POC1A: variants seen among roughly 807,000 people sequenced by gnomAD.
The protein encoded by POC1A is POC1 centriolar protein homolog A.
In POC1A, 34 loss-of-function variants were observed where a neutral mutation model predicts 47.8. The observed-to-expected ratio is 0.71, with a 90% CI of 0.54 to 0.95. The LOEUF is 0.95. Among genes scored for constraint, POC1A ranks in the 40% least tolerant of loss-of-function variants. The pLI, the probability that POC1A is intolerant of heterozygous loss-of-function variation, is 0.00. For missense variants in POC1A, 466 were observed against 528.3 expected (o/e 0.88, Z 1.16); for synonymous variants, 177 against 207.6 (o/e 0.85, Z 1.27).
At chr3:52,145,983 T>G in intron 5 of POC1A, 22 bp from the exon 6 acceptor site, 2 of 1,445,812 alleles carry the variant, frequency 1.4e-6, no homozygotes, top group Non-Finnish European at 9.7e-7. Context: ...GGGGCCACTA[T>G]GCACTATAGG....
chr3:52,077,396 C>T (rs1178581995), intron 10 of POC1A, among the ~76,000 whole-genome samples: 2 of 152,236 alleles, frequency 1.3e-5, no homozygotes, highest in African/African-American at 4.8e-5. Flanking sequence ...ATTCTTGCAG[C>T]GTCCGGCACA....
At chr3:52,113,935 T>C (rs1440943886) in intron 9 of POC1A, among the ~76,000 whole-genome samples, 1 of 152,210 alleles carries the variant, frequency 6.6e-6, no homozygotes, top group Non-Finnish European at 1.5e-5. Flanking sequence ...CTGTGGCCTC[T>C]CTTCTGCAGG....
At chr3:52,152,184 A>G (rs1270384950) in intron 1 of POC1A, among the ~76,000 whole-genome samples, 1 of 152,174 alleles carries the variant, frequency 6.6e-6, no homozygotes, top group Non-Finnish European at 1.5e-5. Context: ...GTGAGGTGGG[A>G]GGACTGCTTG....
chr3:52,131,760 A>T (rs890442209), intron 7 of POC1A, among the ~76,000 whole-genome samples: 3 of 152,210 alleles, frequency 2.0e-5, no homozygotes, highest in African/African-American at 7.2e-5. Flanking sequence ...AGAGAAGCCA[A>T]AGCAAAATGT....
intron 7 of POC1A, among the ~76,000 whole-genome samples, chr3:52,130,509 A>G (rs935692214): frequency 6.6e-6 from 1 of 152,208 alleles, no homozygotes; most frequent in Non-Finnish European, 1.5e-5. Context: ...ACCTGCTCCC[A>G]GCCCTCAACT....
intron 7 of POC1A, among the ~76,000 whole-genome samples, chr3:52,125,740 G>A (rs571781577): frequency 3.3e-5 from 5 of 152,296 alleles, no homozygotes; most frequent in African/African-American, 1.2e-4. Context: ...GCAGAGCAAT[G>A]TGACACGTCT....
chr3:52,110,257 G>A (rs965877724), intron 9 of POC1A, among the ~76,000 whole-genome samples: 3 of 152,196 alleles, frequency 2.0e-5, no homozygotes, highest in Admixed American at 6.5e-5. Context: ...ACAGGAGAGC[G>A]GGGCTGCTCC....
chr3:52,117,743 C>A (rs934693692), intron 9 of POC1A, among the ~76,000 whole-genome samples: 3 of 152,132 alleles, frequency 2.0e-5, no homozygotes, highest in Admixed American at 6.5e-5. Flanking sequence ...CTGTGTTCTC[C>A]TCCCACCCCA....
intron 10 of POC1A, among the ~76,000 whole-genome samples, chr3:52,089,774 T>G (rs186384192): frequency 6.6e-6 from 1 of 152,164 alleles, no homozygotes; most frequent in African/African-American, 2.4e-5. Flanking sequence ...TGTATAACTA[T>G]AAAATTGGGG....
At position 52,151,067 on chromosome 3, in the gene POC1A, G is replaced by A. The variant is rs1346149937; in HGVS notation, c.52C>T (p.His18Tyr). 4 of 1,613,902 alleles carry A rather than the reference G, an allele frequency of 2.5e-6. No homozygotes were observed. Among genetic ancestry groups the A allele is most frequent in the Non-Finnish European group, 3.4e-6 (4 of 1,179,908 alleles). Residue 18 changes from histidine (H) to tyrosine (Y), a missense_variant, in exon 2 of 11, where the codon CAC (histidine) becomes TAC (tyrosine). Coordinates refer to ENST00000296484, the MANE Select transcript of POC1A (RefSeq NM_015426.5). ...DPSLERHFKG[H>Y]RDAVTCVDFS... ...TCCACACAGGTAACTGCATCTCGGT[G>A]GCCCTTAAAATGCCTTTCCAGCGAG...
At chr3:52,099,597 C>T (rs1489748507) in intron 9 of POC1A, among the ~76,000 whole-genome samples, 1 of 152,156 alleles carries the variant, frequency 6.6e-6, no homozygotes, top group Non-Finnish European at 1.5e-5. Context: ...ACACCTGTAA[C>T]CCAACCACTT....
intron 10 of POC1A, among the ~76,000 whole-genome samples, chr3:52,089,497 TG>T (rs1370146766): frequency 1.3e-5 from 2 of 152,052 alleles, no homozygotes; most frequent in Non-Finnish European, 2.9e-5. Context: ...GGGCAATCCA[TG>T]AAGGTCCACA....
intron 7 of POC1A, among the ~76,000 whole-genome samples, chr3:52,129,156 G>A (rs1322562099): frequency 1.3e-5 from 2 of 152,144 alleles, no homozygotes; most frequent in African/African-American, 2.4e-5. Flanking sequence ...GCACACACCT[G>A]TAATCCCAGC....
At chr3:52,111,444 T>A (rs1477061233) in intron 9 of POC1A, among the ~76,000 whole-genome samples, 2 of 152,018 alleles carry the variant, frequency 1.3e-5, no homozygotes, top group Non-Finnish European at 2.9e-5. Flanking sequence ...GTCAAGAGTT[T>A]GTGACAAGCC....
At chr3:52,103,878 C>T (rs1703081884) in intron 9 of POC1A, among the ~76,000 whole-genome samples, 1 of 152,124 alleles carries the variant, frequency 6.6e-6, no homozygotes, top group Admixed American at 6.5e-5. Context: ...AACTTGAACT[C>T]TCATATACTG....
chr3:52,124,004 C>T (rs549664319), intron 8 of POC1A, among the ~76,000 whole-genome samples: 60 of 152,326 alleles, frequency 3.9e-4, no homozygotes, highest in Non-Finnish European at 5.3e-4. Context: ...CTGTCTCTAA[C>T]CCAGGCTGTG....
At position 52,087,524 on chromosome 3, in the gene POC1A, C is replaced by T. The variant is rs193027564; in HGVS notation, c.1125+9045G>A. On this transcript the variant is annotated intron_variant, in intron 10 of 10. Coordinates refer to ENST00000296484, the MANE Select transcript of POC1A (RefSeq NM_015426.5). ...TCTCAGGGATATAGGATTTCTCTGA[C>T]GGTTTTGCATCCCCCAGCCCCAACC... Among the ~76,000 whole-genome samples, 56 of 152,262 alleles carry T rather than the reference C, an allele frequency of 3.7e-4. 1 individual carries two copies. The South Asian group carries it at 5.4e-3, about 15-fold the overall frequency.
chr3:52,139,953 A>C (rs779601206), intron 6 of POC1A, among the ~76,000 whole-genome samples: 3 of 152,152 alleles, frequency 2.0e-5, no homozygotes, highest in Non-Finnish European at 4.4e-5. Context: ...CTTTCTTCCC[A>C]TTACCAGAGG....
At chr3:52,106,076 T>C (rs1053781669) in intron 9 of POC1A, among the ~76,000 whole-genome samples, 8 of 148,830 alleles carry the variant, frequency 5.4e-5, no homozygotes, top group Admixed American at 4.8e-4. Flanking sequence ...GCGCCTGTAG[T>C]CCCACCTACT....
Sources: gnomAD v4.1 joint callset for allele counts (sites outside exome capture counted in the v4.1 genomes callset) on GRCh38, gnomAD v4.1.1 for gene constraint, MANE v1.5 for transcripts, NCBI Gene and HGNC (gene_info 2026-07-23, HGNC 2026-07-21) for gene names.